The following ASAP2 variants were observed in gnomAD, a reference collection of about 807,000 sequenced individuals.
ASAP2 encodes arf-GAP with SH3 domain, ANK repeat and PH domain-containing protein 2.
Under a neutral mutation model 131.4 loss-of-function variants are expected in ASAP2, and 45 were observed. The ratio of observed to expected loss-of-function variants is 0.34; its 90% CI spans 0.27 to 0.44. ASAP2 has a LOEUF of 0.44. ASAP2 is among the 20% of genes least tolerant of loss of function. The pLI, the probability that ASAP2 is intolerant of heterozygous loss-of-function variation, is 1.00. For synonymous variants in ASAP2, 510 were observed against 503.0 expected, an observed-to-expected ratio of 1.01 and a Z score of -0.19; for missense variants, 1,011 against 1,297.0, an observed-to-expected ratio of 0.78 and a Z score of 3.39.
intron 1 of ASAP2, among the ~76,000 whole-genome samples, chr2:9,219,140 GT>G (rs1276619692): frequency 6.6e-6 from 1 of 152,214 alleles, no homozygotes; most frequent in Non-Finnish European, 1.5e-5. Flanking sequence ...TGATCATGGG[GT>G]TTTGTGGTCA....
chr2:9,227,811 G>T (rs1253634851), intron 1 of ASAP2, among the ~76,000 whole-genome samples: 1 of 152,218 alleles, frequency 6.6e-6, no homozygotes, highest in Non-Finnish European at 1.5e-5. Context: ...TCTTTGACCA[G>T]CCTCTTCATT....
In ASAP2 at chr2:9,207,083, C is replaced by T. The variant is rs781388922; in HGVS notation, c.-22C>T. ...GCGGCGGCGCCCCTGCGGCTGTGCG[C>T]CAGCGCCCTCGCGCCGAGGCGATGC... On this transcript the variant is annotated 5_prime_UTR_variant, in exon 1 of 28. Transcript: ENST00000281419. This position sits in a 1 kb window ranked among gnomAD's most constrained non-coding sequence, Gnocchi z 4.1. The T allele has an allele frequency of 1.9e-6, 3 of 1,549,326 alleles. No homozygotes were observed. The highest frequency in any genetic ancestry group is 3.5e-4 in the Middle Eastern group (2 of 5,756).
intron 15 of ASAP2, among the ~76,000 whole-genome samples, chr2:9,363,920 A>T (rs1673267821): frequency 6.6e-6 from 1 of 152,196 alleles, no homozygotes; most frequent in African/African-American, 2.4e-5. Context: ...TTGAATTATT[A>T]ATTAGTTCTG....
chr2:9,267,897 CAAAAAAAAAAAA>C lies in ASAP2; in HGVS notation c.127-11406_127-11395del, dbSNP rs34716225. Among the ~76,000 whole-genome samples the C allele has an allele frequency of 1.5e-4, 10 of 65,006 alleles. No homozygotes were observed. In the South Asian group the frequency reaches 5.4e-3, roughly 35 times the overall value. The allele number at this position is 65,006 out of a possible 152,430, so 42.6% of individuals were successfully genotyped here. ...TGAGCAACAGAGCAAGACTCTATCT[CAAAAAAAAAAAA>C]AAAAAAAAAAAAAGAATGATTATAA... On this transcript the variant is annotated intron_variant, in intron 1 of 27. Coordinates refer to ENST00000281419, the MANE Select transcript of ASAP2 (RefSeq NM_003887.3).
At chr2:9,208,995 G>A (rs1661345850) in intron 1 of ASAP2, among the ~76,000 whole-genome samples, 1 of 140,770 alleles carries the variant, frequency 7.1e-6, no homozygotes, top group African/African-American at 2.6e-5. Context: ...TATTAAAATT[G>A]GCATACCTTT....
intron 1 of ASAP2, among the ~76,000 whole-genome samples, chr2:9,227,522 C>T (rs575568920): frequency 6.6e-6 from 1 of 152,240 alleles, no homozygotes; most frequent in East Asian, 1.9e-4. Context: ...TATTTTCAAA[C>T]GCTATTCGGG....
chr2:9,208,825 G>A (rs1257350853), intron 1 of ASAP2, among the ~76,000 whole-genome samples: 2 of 152,302 alleles, frequency 1.3e-5, no homozygotes, highest in South Asian at 2.1e-4. Context: ...AACCAAAAAG[G>A]TAGCTGAATA....
At chr2:9,374,713 G>A in intron 16 of ASAP2, 42 bp from the exon 17 acceptor site, 2 of 1,542,872 alleles carry the variant, frequency 1.3e-6, no homozygotes, top group Non-Finnish European at 1.8e-6. Context: ...ACGGCGGGTA[G>A]AAGCCCTTCA....
At chr2:9,235,270 C>T (rs890663625) in intron 1 of ASAP2, among the ~76,000 whole-genome samples, 2 of 152,172 alleles carry the variant, frequency 1.3e-5, no homozygotes, top group Admixed American at 6.5e-5. Flanking sequence ...TCGTCCTGTG[C>T]ACCAGTGTGG....
intron 7 of ASAP2, among the ~76,000 whole-genome samples, chr2:9,328,574 A>T (rs537042673): frequency 1.3e-5 from 2 of 152,376 alleles, no homozygotes; most frequent in East Asian, 3.9e-4. Context: ...TGTGATGAGC[A>T]AAGGAAGATG....
Position 9,207,888 on chromosome 2 carries a change from C to A in ASAP2, c.126+658C>A, listed in dbSNP as rs1661240662. ...TCTCACCTGCTTGAACCCGGAATGCCGCCCTTCCCCCTCAACCTGGAAAAG... is the reference window on the plus strand; with the variant it reads ...TCTCACCTGCTTGAACCCGGAATGCAGCCCTTCCCCCTCAACCTGGAAAAG... On this transcript the variant is annotated intron_variant, in intron 1 of 27. Coordinates refer to ENST00000281419, the MANE Select transcript of ASAP2 (RefSeq NM_003887.3). This position sits in a 1 kb window ranked among gnomAD's most constrained non-coding sequence, Gnocchi z 4.1. Among the ~76,000 whole-genome samples, 1 of 152,232 alleles carries A rather than the reference C, an allele frequency of 6.6e-6. No individual in the cohort carries two copies. Among genetic ancestry groups the A allele is most frequent in the Non-Finnish European group, 1.5e-5 (1 of 68,034 alleles).
chr2:9,221,573 T>A (rs971135622), intron 1 of ASAP2, among the ~76,000 whole-genome samples: 2 of 152,206 alleles, frequency 1.3e-5, no homozygotes, highest in Non-Finnish European at 2.9e-5. Flanking sequence ...TGAGTGGAAT[T>A]GTTTTCTTAA....
At chr2:9,318,907 G>A (rs540678497) in intron 4 of ASAP2, among the ~76,000 whole-genome samples, 55 of 152,380 alleles carry the variant, frequency 3.6e-4, no homozygotes, top group Non-Finnish European at 4.4e-4. Context: ...AGGGAAACCT[G>A]TGGGAGGAGT....
At chr2:9,377,615 A>T (rs556136149) in intron 18 of ASAP2, among the ~76,000 whole-genome samples, 2 of 152,240 alleles carry the variant, frequency 1.3e-5, no homozygotes, top group South Asian at 2.1e-4. Context: ...CTCAACGTGT[A>T]TTTTGACTCC....
chr2:9,269,630 G>C (rs569865376), intron 1 of ASAP2, among the ~76,000 whole-genome samples: 239 of 152,344 alleles, frequency 1.6e-3, no homozygotes, highest in African/African-American at 5.5e-3. Context: ...CCGCCCTCAG[G>C]CGGTACAGTG....
intron 16 of ASAP2, 128 bp downstream of exon 16, chr2:9,368,647 T>A: frequency 1.4e-6 from 1 of 739,002 alleles, no homozygotes; most frequent in South Asian, 1.7e-5. Flanking sequence ...AATCAGCCTA[T>A]GTTGGGTTTT....
intron 1 of ASAP2, among the ~76,000 whole-genome samples, chr2:9,236,632 A>C (rs543750230): frequency 6.6e-5 from 10 of 152,344 alleles, no homozygotes; most frequent in East Asian, 5.8e-4. Context: ...ACTTGATAAA[A>C]TTTAAAAAAT....
chr2:9,362,961 AC>A (rs1273754885), intron 15 of ASAP2, among the ~76,000 whole-genome samples: 1 of 152,088 alleles, frequency 6.6e-6, no homozygotes, highest in African/African-American at 2.4e-5. Context: ...CAACATGCCC[AC>A]CCCCAACCCC....
intron 2 of ASAP2, among the ~76,000 whole-genome samples, chr2:9,282,463 T>C (rs1247007676): frequency 6.6e-6 from 1 of 152,210 alleles, no homozygotes; most frequent in Non-Finnish European, 1.5e-5. Context: ...CTTTTGCATA[T>C]ATTTAGTAGA....
Sources: gnomAD v4.1 joint callset for allele counts (sites outside exome capture counted in the v4.1 genomes callset) on GRCh38, gnomAD v4.1.1 for gene constraint, Gnocchi (gnomAD v3.1) non-coding constraint, MANE v1.5 for transcripts, NCBI Gene and HGNC (gene_info 2026-07-23, HGNC 2026-07-21) for gene names.